The following NALF1 variants were observed in gnomAD, a reference collection of about 807,000 sequenced individuals.
NALF1 encodes family with sequence similarity 155 member A.
In NALF1, 3 loss-of-function variants were observed where a neutral mutation model predicts 48.4. The ratio of observed to expected loss-of-function variants is 0.06; its 90% CI spans 0.03 to 0.16. The LOEUF is 0.16. NALF1 is among the 10% of genes least tolerant of loss of function. The pLI is 1.00. For synonymous variants in NALF1, 262 were observed against 245.7 expected, an observed-to-expected ratio of 1.07 and a Z score of -0.62; for missense variants, 526 against 571.5, an observed-to-expected ratio of 0.92 and a Z score of 0.81.
intron 1 of NALF1, among the ~76,000 whole-genome samples, chr13:107,410,656 AG>A (rs1453133151): frequency 2.0e-5 from 3 of 152,176 alleles, no homozygotes; most frequent in African/African-American, 7.2e-5. Flanking sequence ...TAAAGGTATC[AG>A]GAAGAACAAT....
chr13:107,595,364 T>G (rs1001132982), intron 1 of NALF1, among the ~76,000 whole-genome samples: 2 of 152,140 alleles, frequency 1.3e-5, no homozygotes, highest in African/African-American at 4.8e-5. Context: ...TCTCTTCTCT[T>G]GTCCATAAAT....
chr13:107,705,285 T>C (rs899290083), intron 1 of NALF1, among the ~76,000 whole-genome samples: 4 of 152,312 alleles, frequency 2.6e-5, no homozygotes, highest in African/African-American at 9.6e-5. Flanking sequence ...CAGATGTGCT[T>C]TGCCACAATG....
intron 1 of NALF1, among the ~76,000 whole-genome samples, chr13:107,335,816 C>T (rs989524514): frequency 6.6e-6 from 1 of 152,228 alleles, no homozygotes; most frequent in Non-Finnish European, 1.5e-5. Context: ...CTAGAATATC[C>T]TTTACCGTAA....
intron 1 of NALF1, among the ~76,000 whole-genome samples, chr13:107,405,714 C>T (rs1883887270): frequency 6.6e-6 from 1 of 151,900 alleles, no homozygotes; most frequent in African/African-American, 2.4e-5. Context: ...GAATGAGGTC[C>T]ACAAACACCT....
At chr13:107,677,596 TAATGG>T (rs1364420534) in intron 1 of NALF1, among the ~76,000 whole-genome samples, 2 of 152,180 alleles carry the variant, frequency 1.3e-5, no homozygotes, top group African/African-American at 4.8e-5. Flanking sequence ...TAAATTCACA[TAATGG>T]AATATCACAT....
chr13:107,245,582 TTC>T (rs1205317168), intron 1 of NALF1, among the ~76,000 whole-genome samples: 1 of 152,218 alleles, frequency 6.6e-6, no homozygotes, highest in Non-Finnish European at 1.5e-5. Context: ...AGCTTAAATA[TTC>T]TTTTTGCTGT....
In NALF1 at chr13:107,389,631, G is replaced by A. The variant is rs573285913; in HGVS notation, c.916-178876C>T. On this transcript the variant is annotated intron_variant, in intron 1 of 2. Transcript: ENST00000375915. ...GCAGCTGTAGCAAACTTGCACAAAT[G>A]CCATCTATTTAGCTATTGATTACTT... Among the ~76,000 whole-genome samples, 24 of 152,152 alleles carry A rather than the reference G, an allele frequency of 1.6e-4. No individual in the cohort carries two copies. In the East Asian group the frequency reaches 4.7e-3, roughly 29 times the overall value.
At chr13:107,579,745 C>G (rs1288099026) in intron 1 of NALF1, among the ~76,000 whole-genome samples, 1 of 151,148 alleles carries the variant, frequency 6.6e-6, no homozygotes, top group African/African-American at 2.4e-5. Context: ...CATATGTATA[C>G]ATGTGCCATG....
intron 1 of NALF1, among the ~76,000 whole-genome samples, chr13:107,267,238 A>G (rs1881059712): frequency 6.6e-6 from 1 of 152,230 alleles, no homozygotes. Flanking sequence ...CTAGAAATAC[A>G]GTAGTTAATG....
At chr13:107,734,384 T>C (rs1203296923) in intron 1 of NALF1, among the ~76,000 whole-genome samples, 1 of 90,636 alleles carries the variant, frequency 1.1e-5, no homozygotes, top group Non-Finnish European at 2.5e-5. Context: ...AGAGAAAATC[T>C]ATGGGTATTT....
At chr13:107,191,833 A>AT (rs66566638) in intron 2 of NALF1, among the ~76,000 whole-genome samples, 30,860 of 112,226 alleles carry the variant, frequency 0.27, 4,735 homozygotes, top group Non-Finnish European at 0.32. Flanking sequence ...CACTATGCCT[A>AT]TTTTTTTTTT....
chr13:107,630,257 C>T (rs1332391701), intron 1 of NALF1, among the ~76,000 whole-genome samples: 1 of 152,154 alleles, frequency 6.6e-6, no homozygotes. Context: ...TCCACTCTTA[C>T]CTCTGTCCAA....
At chr13:107,302,830 G>A (rs925670979) in intron 1 of NALF1, among the ~76,000 whole-genome samples, 5 of 151,940 alleles carry the variant, frequency 3.3e-5, no homozygotes, top group Admixed American at 1.3e-4. Flanking sequence ...ACATATGACT[G>A]CTCTCTCTCT....
intron 1 of NALF1, among the ~76,000 whole-genome samples, chr13:107,678,933 C>A (rs1049613668): frequency 6.6e-6 from 1 of 152,164 alleles, no homozygotes; most frequent in Non-Finnish European, 1.5e-5. Context: ...GAGACACAAA[C>A]CCTAACCATA....
intron 1 of NALF1, among the ~76,000 whole-genome samples, chr13:107,340,444 C>G (rs976998722): frequency 7.4e-6 from 1 of 134,342 alleles, no homozygotes; most frequent in Non-Finnish European, 1.6e-5. Flanking sequence ...CCTGACCTTT[C>G]TCTTTCTTTC....
intron 1 of NALF1, among the ~76,000 whole-genome samples, chr13:107,854,452 C>T (rs1880392578): frequency 6.6e-6 from 1 of 152,190 alleles, no homozygotes. Context: ...GCCGGAGATA[C>T]CCGATTTTAA....
intron 1 of NALF1, among the ~76,000 whole-genome samples, chr13:107,247,219 C>A (rs2138840703): frequency 6.6e-6 from 1 of 152,200 alleles, no homozygotes; most frequent in Admixed American, 6.5e-5. Context: ...TACCAGTTAC[C>A]CTAAGCATGG....
intron 2 of NALF1, among the ~76,000 whole-genome samples, chr13:107,200,583 A>T (rs1879492112): frequency 1.3e-5 from 2 of 152,242 alleles, no homozygotes; most frequent in South Asian, 4.1e-4. Flanking sequence ...GTGGTAAATG[A>T]TACAGCAACA....
intron 1 of NALF1, among the ~76,000 whole-genome samples, chr13:107,294,879 C>T (rs1391179952): frequency 6.6e-6 from 1 of 152,162 alleles, no homozygotes; most frequent in Non-Finnish European, 1.5e-5. Flanking sequence ...AGACCATGTA[C>T]AATGTTCAAT....
Sources: allele counts gnomAD v4.1 joint callset (sites outside exome capture counted in the v4.1 genomes callset), GRCh38; gene constraint gnomAD v4.1.1; transcripts MANE v1.5; gene names NCBI Gene and HGNC (gene_info 2026-07-23, HGNC 2026-07-21).